Variants in HACD3 observed in about 807,000 individuals in gnomAD.
HACD3 encodes 3-hydroxyacyl-CoA dehydratase 3, also known as very-long-chain (3R)-3-hydroxyacyl-CoA dehydratase 3.
A neutral mutation model predicts 55.2 loss-of-function variants in HACD3; 30 were observed. The ratio of observed to expected loss-of-function variants is 0.54; its 90% confidence interval spans 0.41 to 0.74. The LOEUF (loss-of-function observed/expected upper bound fraction) is 0.74. Among genes scored for constraint, HACD3 ranks in the 30% least tolerant of loss-of-function variants. The probability of loss-of-function intolerance (pLI) is 0.00; values close to 1 mark genes in which losing one functional copy is unlikely to be tolerated. For missense variants in HACD3, 363 were observed against 440.1 expected, an observed-to-expected ratio of 0.82 and a Z score of 1.57; for synonymous variants, 141 against 151.7, an observed-to-expected ratio of 0.93 and a Z score of 0.52.
chr15:65,556,481 A>G (rs2072191269), intron 3 of HACD3, among the ~76,000 whole-genome samples: 1 of 92,870 alleles, frequency 1.1e-5, no homozygotes. Flanking sequence ...GTCTAAATAT[A>G]GGTGAAGTTT....
chr15:65,562,640 A>G lies in HACD3; in HGVS notation c.422-134A>G, dbSNP rs1275668426. The G allele has an allele frequency of 9.2e-6, 11 of 1,196,408 alleles. No individual in the cohort carries two copies. The African/African-American group carries it at 1.2e-4, about 13-fold the overall frequency. 74.1% of individuals were successfully genotyped at this position (1,196,408 alleles called of 1,614,324 possible). A position where few individuals can be genotyped will look rare whatever the true frequency, so the allele number is the denominator to read the frequency against. On this transcript the variant is annotated intron_variant, in intron 5 of 10. Coordinates refer to ENST00000261875, the MANE Select transcript of HACD3 (RefSeq NM_016395.4). ...GGAGCCCAGGCTGGTGAGGACCTGG[A>G]CCAGGTATTTGTGTGGGAGCTTAGG...
intron 6 of HACD3, 60 bp downstream of exon 6, chr15:65,562,944 C>A: frequency 6.3e-7 from 1 of 1,588,946 alleles, no homozygotes; most frequent in Non-Finnish European, 8.6e-7. Flanking sequence ...CAGTATTCAC[C>A]AAAGGGAGCA....
Position 65,530,664 on chromosome 15 carries a change from C to T in HACD3, c.33C>T (p.Tyr11=). 6.3e-7 allele frequency: 1 copy of T among 1,582,856 alleles called. No homozygotes were observed. Among genetic ancestry groups the T allele is most frequent in the South Asian group, 1.2e-5 (1 of 86,178 alleles). MENQVLTPHV[Y]WAQRHRELYL... is the part of the protein sequence containing the mutation. ...ATCAGGTGTTGACGCCGCATGTCTA[C>T]TGGGCTCAGCGACACCGCGAGCTAT... The change falls in exon 1 of 11, where the codon TAC becomes TAT. Residue 11 remains tyrosine (Y), a synonymous_variant. Coordinates refer to ENST00000261875, the MANE Select transcript of HACD3 (RefSeq NM_016395.4).
intron 1 of HACD3, among the ~76,000 whole-genome samples, chr15:65,532,915 AAC>A (rs1296989246): frequency 1.3e-5 from 2 of 152,160 alleles, no homozygotes; most frequent in Non-Finnish European, 2.9e-5. Flanking sequence ...ATCATATACA[AAC>A]AAAAAGTTTT....
intron 1 of HACD3, among the ~76,000 whole-genome samples, chr15:65,538,072 G>A (rs570680177): frequency 5.7e-4 from 86 of 149,732 alleles, no homozygotes; most frequent in African/African-American, 2.1e-3. Context: ...TGATGGAAAT[G>A]TCAAGGAGAT....
At chr15:65,557,398 T>TCGGGAGGCGGGGCTTGC (rs2072203473) in intron 4 of HACD3, among the ~76,000 whole-genome samples, 2 of 150,636 alleles carry the variant, frequency 1.3e-5, no homozygotes, top group African/African-American at 4.9e-5. Context: ...TGGCGTGAAC[T>TCGGGAGGCGGGGCTTGC]CGGGAGGCGG....
chr15:65,544,379 A>G (rs1221741308), intron 1 of HACD3, among the ~76,000 whole-genome samples: 1 of 152,198 alleles, frequency 6.6e-6, no homozygotes, highest in Non-Finnish European at 1.5e-5. Context: ...ACAGACGCAC[A>G]TGCACATACC....
intron 1 of HACD3, among the ~76,000 whole-genome samples, chr15:65,545,320 T>C (rs2141209150): frequency 6.6e-6 from 1 of 152,272 alleles, no homozygotes; most frequent in South Asian, 2.1e-4. Flanking sequence ...TATGAAGGAA[T>C]GGCCAGACAA....
intron 6 of HACD3, among the ~76,000 whole-genome samples, chr15:65,563,600 T>C (rs1302090447): frequency 1.3e-5 from 2 of 151,862 alleles, no homozygotes; most frequent in South Asian, 2.1e-4. Flanking sequence ...GCCCAGGAGG[T>C]TGAAGCTGCA....
intron 1 of HACD3, among the ~76,000 whole-genome samples, chr15:65,547,381 C>T (rs988478788): frequency 1.3e-5 from 2 of 152,222 alleles, no homozygotes; most frequent in Admixed American, 6.5e-5. Flanking sequence ...TCCCAAAGTG[C>T]TGGGATTACA....
intron 2 of HACD3, among the ~76,000 whole-genome samples, chr15:65,552,887 C>T (rs571758962): frequency 5.3e-5 from 8 of 151,178 alleles, no homozygotes; most frequent in African/African-American, 1.7e-4. Flanking sequence ...ATTCCCCTTC[C>T]TGTGTCCATG....
intron 5 of HACD3, among the ~76,000 whole-genome samples, chr15:65,562,458 A>G (rs765847461): frequency 2.0e-4 from 30 of 152,320 alleles, no homozygotes; most frequent in African/African-American, 7.0e-4. Context: ...GAAAACCTAT[A>G]TATACATATA....
At position 65,577,745 on chromosome 15, in the gene HACD3, CTT is replaced by C. The variant is rs1273118116; in HGVS notation, c.*1370_*1371del. 6.6e-6 allele frequency: 1 copy of C among 152,254 alleles called. No individual in the cohort carries two copies. Among genetic ancestry groups the C allele is most frequent in the Non-Finnish European group, 1.5e-5 (1 of 68,030 alleles). 9.4% of individuals were successfully genotyped at this position (152,254 alleles called of 1,614,324 possible). On this transcript the variant is annotated 3_prime_UTR_variant, in exon 11 of 11. Coordinates refer to ENST00000261875, the MANE Select transcript of HACD3 (RefSeq NM_016395.4). ...CTTCATTCTGCTGCTGTTCAGTTGGCTTTTTAAACCTGTCTGCAGTAGGACAC... is the reference window on the plus strand; with the variant it reads ...CTTCATTCTGCTGCTGTTCAGTTGGCTTTAAACCTGTCTGCAGTAGGACAC...
At position 65,576,389 on chromosome 15, in the gene HACD3, T is replaced by C. The variant is rs371648681; in HGVS notation, c.*10T>C. The C allele has an allele frequency of 2.3e-5, 36 of 1,590,286 alleles. No homozygotes were observed. Among genetic ancestry groups the C allele is most frequent in the Non-Finnish European group, 3.0e-5 (35 of 1,167,948 alleles). The stretch of plus-strand genomic sequence containing the variant: ...GAAAAAGATCCACTAAAAAGAAAGA[T>C]TTAGATGGCTTCTTGCCAGTTTGAG... On this transcript the variant is annotated 3_prime_UTR_variant, in exon 11 of 11. Transcript: ENST00000261875.
intron 8 of HACD3, 99 bp downstream of exon 8, chr15:65,570,302 T>A (rs1023284891): frequency 2.3e-6 from 2 of 888,022 alleles, no homozygotes; most frequent in Non-Finnish European, 3.5e-6. Flanking sequence ...CTCATTTGGT[T>A]TGGGACTAAG....
At chr15:65,568,342 G>A (rs1259709247) in intron 7 of HACD3, among the ~76,000 whole-genome samples, 1 of 151,806 alleles carries the variant, frequency 6.6e-6, no homozygotes, top group Non-Finnish European at 1.5e-5. Context: ...AAATGATTAA[G>A]ATGGTAAAGT....
At position 65,530,543 on chromosome 15, in the gene HACD3, G is replaced by C; in HGVS notation, c.-89G>C. ...GGCGCTCAGGAGCGCTAGGGTTTGAGGCCTGCTTTCTGCTCGCGCCAGCAG... is the reference window on the plus strand; with the variant it reads ...GGCGCTCAGGAGCGCTAGGGTTTGACGCCTGCTTTCTGCTCGCGCCAGCAG... On this transcript the variant is annotated 5_prime_UTR_variant, in exon 1 of 11. Coordinates refer to ENST00000261875, the MANE Select transcript of HACD3 (RefSeq NM_016395.4). The C allele has an allele frequency of 8.0e-7, 1 of 1,252,422 alleles. No individual in the cohort carries two copies. The highest frequency in any genetic ancestry group is 1.1e-6 in the Non-Finnish European group (1 of 896,332). The allele number at this position is 1,252,422 out of a possible 1,614,324, so 77.6% of individuals were successfully genotyped here.
At chr15:65,546,348 A>T (rs2141209918) in intron 1 of HACD3, among the ~76,000 whole-genome samples, 1 of 152,342 alleles carries the variant, frequency 6.6e-6, no homozygotes, top group East Asian at 1.9e-4. Flanking sequence ...GTTCTTAGGT[A>T]TTAGAAAGCT....
chr15:65,553,564 A>G (rs1393875225), intron 2 of HACD3, among the ~76,000 whole-genome samples: 1 of 152,206 alleles, frequency 6.6e-6, no homozygotes, highest in Non-Finnish European at 1.5e-5. Flanking sequence ...ATATACTTGC[A>G]TGAAAGTACA....
Sources: gnomAD v4.1 joint callset for allele counts (sites outside exome capture counted in the v4.1 genomes callset) on GRCh38, gnomAD v4.1.1 for gene constraint, MANE v1.5 for transcripts, NCBI Gene and HGNC (gene_info 2026-07-23, HGNC 2026-07-21) for gene names.